The following PAPPA variants were observed in gnomAD, a reference collection of about 807,000 sequenced individuals.
The protein encoded by PAPPA is pappalysin 1, also known as pappalysin-1.
PAPPA carries 60 observed loss-of-function variants against 164.0 expected under a neutral mutation model. That is an observed-to-expected ratio of 0.37 (90% CI 0.30 to 0.45). PAPPA has a LOEUF of 0.45. Ranked by LOEUF, PAPPA falls within the 20% of genes least tolerant of loss-of-function variation. The pLI, the probability that PAPPA is intolerant of heterozygous loss-of-function variation, is 1.00. For synonymous variants in PAPPA, 875 were observed against 814.1 expected (o/e 1.07, Z -1.27); for missense variants, 1,782 against 2,087.3 (o/e 0.85, Z 2.85).
intron 7 of PAPPA, among the ~76,000 whole-genome samples, chr9:116,256,786 T>A (rs892276494): frequency 2.0e-5 from 3 of 152,034 alleles, no homozygotes; most frequent in Admixed American, 6.5e-5. Flanking sequence ...AATTTATAGA[T>A]CAAGCAAACT....
intron 4 of PAPPA, among the ~76,000 whole-genome samples, chr9:116,217,114 T>C (rs1279065878): frequency 6.6e-6 from 1 of 152,200 alleles, no homozygotes; most frequent in Non-Finnish European, 1.5e-5. Flanking sequence ...TTTTTCAAAC[T>C]TATTTTTATC....
chr9:116,383,332 G>GTC (rs1846757879), intron 21 of PAPPA, among the ~76,000 whole-genome samples: 1 of 152,208 alleles, frequency 6.6e-6, no homozygotes, highest in South Asian at 2.1e-4. Flanking sequence ...TTCATCTGCA[G>GTC]TCAGAGCTGA....
intron 9 of PAPPA, among the ~76,000 whole-genome samples, chr9:116,274,547 T>C (rs544246725): frequency 2.4e-4 from 37 of 152,314 alleles, no homozygotes; most frequent in Admixed American, 2.2e-3. Flanking sequence ...GTTAAGACAG[T>C]GGTCAAGATA....
At chr9:116,365,363 G>A (rs906114431) in intron 18 of PAPPA, among the ~76,000 whole-genome samples, 2 of 152,086 alleles carry the variant, frequency 1.3e-5, no homozygotes, top group Admixed American at 6.5e-5. Context: ...AAGGAGACGC[G>A]GAGGCCTGGT....
intron 21 of PAPPA, among the ~76,000 whole-genome samples, chr9:116,390,169 G>A (rs1321539661): frequency 6.6e-6 from 1 of 152,146 alleles, no homozygotes; most frequent in Non-Finnish European, 1.5e-5. Context: ...AGTATAGCAA[G>A]TACTCATGGA....
chr9:116,221,365 A>C (rs1462271270), intron 5 of PAPPA, among the ~76,000 whole-genome samples: 2 of 152,232 alleles, frequency 1.3e-5, no homozygotes, highest in Non-Finnish European at 2.9e-5. Context: ...ATGGTGATAT[A>C]TTAATGATGG....
chr9:116,253,732 G>A (rs1212237087), intron 7 of PAPPA, among the ~76,000 whole-genome samples: 1 of 152,174 alleles, frequency 6.6e-6, no homozygotes, highest in East Asian at 1.9e-4. Flanking sequence ...TGAATATTAA[G>A]AAATAAATTC....
At chr9:116,392,193 A>C (rs949036325) in intron 21 of PAPPA, among the ~76,000 whole-genome samples, 1 of 152,220 alleles carries the variant, frequency 6.6e-6, no homozygotes, top group Non-Finnish European at 1.5e-5. Context: ...TAATAAGGAT[A>C]AAGGTTATTG....
intron 2 of PAPPA, among the ~76,000 whole-genome samples, chr9:116,196,351 T>TG (rs1294493801): frequency 6.6e-6 from 1 of 152,148 alleles, no homozygotes; most frequent in Non-Finnish European, 1.5e-5. Flanking sequence ...TTTCCCACCC[T>TG]GGGTTTGGCA....
intron 13 of PAPPA, among the ~76,000 whole-genome samples, chr9:116,338,949 T>C (rs1846099067): frequency 6.6e-6 from 1 of 152,192 alleles, no homozygotes; most frequent in Non-Finnish European, 1.5e-5. Flanking sequence ...CGGGGAAGGC[T>C]CTGAAAGATT....
chr9:116,307,022 G>A (rs975382713), intron 10 of PAPPA, among the ~76,000 whole-genome samples: 11 of 152,186 alleles, frequency 7.2e-5, no homozygotes, highest in African/African-American at 2.7e-4. Flanking sequence ...GAGGGCCAAA[G>A]TAAAGAAAAC....
chr9:116,188,234 T>C lies in PAPPA; in HGVS notation c.1478+18T>C. 1.3e-6 allele frequency: 2 copies of C among 1,559,448 alleles called. No individual in the cohort carries two copies. The highest frequency in any genetic ancestry group is 1.8e-6 in the Non-Finnish European group (2 of 1,136,624). ...CCACACAGGTAAGACCTTACTGGGCTAAAGATGCCCAGTTGAAAGTTGAAC... is the reference window on the plus strand; with the variant it reads ...CCACACAGGTAAGACCTTACTGGGCCAAAGATGCCCAGTTGAAAGTTGAAC... On this transcript the variant is annotated intron_variant, in intron 2 of 21. Transcript: ENST00000328252.
intron 1 of PAPPA, among the ~76,000 whole-genome samples, chr9:116,163,503 C>T (rs1256827704): frequency 6.6e-6 from 1 of 152,202 alleles, no homozygotes; most frequent in African/African-American, 2.4e-5. Context: ...CTCTCCCTCT[C>T]AGAACCAGTT....
At chr9:116,188,877 T>G (rs1024009090) in intron 2 of PAPPA, among the ~76,000 whole-genome samples, 14 of 152,220 alleles carry the variant, frequency 9.2e-5, no homozygotes, top group African/African-American at 3.4e-4. Context: ...GTACCTATTT[T>G]GTCAAGTTGC....
chr9:116,359,209 A>C (rs1300996263), intron 17 of PAPPA, among the ~76,000 whole-genome samples: 1 of 152,220 alleles, frequency 6.6e-6, no homozygotes, highest in Non-Finnish European at 1.5e-5. Flanking sequence ...TCAGTTTCCA[A>C]GTCTGCAAAA....
rs7024912 is a variant in PAPPA, at chr9:116,310,397, G to A, written c.3147+7447G>A. On this transcript the variant is annotated intron_variant, in intron 10 of 21. Transcript: ENST00000328252. ...TTTCTGAATAATTTTTCAAGAGCAC[G>A]TGTGCAAGTCATCTAAGGAGACAGA... is the stretch of plus-strand genomic sequence containing the variant. Among the ~76,000 whole-genome samples the A allele has an allele frequency of 4.1e-4, 63 of 152,284 alleles. 1 individual carries two copies. The South Asian group carries it at 0.011, about 26-fold the overall frequency.
chr9:116,313,800 A>G (rs569278312), intron 10 of PAPPA, among the ~76,000 whole-genome samples: 1 of 152,218 alleles, frequency 6.6e-6, no homozygotes, highest in Non-Finnish European at 1.5e-5. Context: ...TTAAATTTAA[A>G]TAGCCTATTT....
At chr9:116,257,409 A>G (rs989367239) in intron 7 of PAPPA, among the ~76,000 whole-genome samples, 5 of 152,010 alleles carry the variant, frequency 3.3e-5, no homozygotes, top group African/African-American at 1.2e-4. Flanking sequence ...GACAAAAAAT[A>G]AAAACAAAAG....
At chr9:116,344,267 A>C (rs1173333403) in intron 13 of PAPPA, among the ~76,000 whole-genome samples, 2 of 152,200 alleles carry the variant, frequency 1.3e-5, no homozygotes, top group Non-Finnish European at 2.9e-5. Flanking sequence ...AAATGGAAAA[A>C]CTGAGGCTAT....
Sources: allele counts gnomAD v4.1 joint callset (sites outside exome capture counted in the v4.1 genomes callset), GRCh38; gene constraint gnomAD v4.1.1; transcripts MANE v1.5; gene names NCBI Gene and HGNC (gene_info 2026-07-23, HGNC 2026-07-21).